Variants in NUDT6 observed in about 807,000 individuals in gnomAD.
NUDT6 encodes FAD diphosphatase NUDT6.
In NUDT6, 24 loss-of-function variants were observed where a neutral mutation model predicts 36.8. The ratio of observed to expected loss-of-function variants is 0.65; its 90% CI spans 0.47 to 0.92. The LOEUF is 0.92. Ranked by LOEUF, NUDT6 falls within the 40% of genes least tolerant of loss-of-function variation. The pLI, the probability that NUDT6 is intolerant of heterozygous loss-of-function variation, is 0.00. For synonymous variants in NUDT6, 163 were observed against 157.0 expected, an observed-to-expected ratio of 1.04 and a Z score of -0.29; for missense variants, 388 against 392.8, an observed-to-expected ratio of 0.99 and a Z score of 0.10.
rs760452045 is a variant in NUDT6 at position 122,922,331 on chromosome 4, T to G, written c.238+4A>C. Reference sequence around the variant, plus strand: ...CGGGAGCCCTTCGTCCCAGGCGCACTTGCCCTGCAAGCCCTTCTGGAAGGC... The same window carrying G: ...CGGGAGCCCTTCGTCCCAGGCGCACGTGCCCTGCAAGCCCTTCTGGAAGGC... On this transcript the variant is annotated splice_donor_region_variant and intron_variant, in intron 1 of 4. Coordinates refer to ENST00000304430, the MANE Select transcript of NUDT6 (RefSeq NM_007083.5). 6.3e-7 allele frequency: 1 copy of G among 1,597,142 alleles called. No individual in the cohort carries two copies. The highest frequency in any genetic ancestry group is 1.1e-5 in the South Asian group (1 of 90,154).
At chr4:122,921,844 G>C (rs1383089989) in intron 1 of NUDT6, 1 of 153,112 alleles carries the variant, frequency 6.5e-6, no homozygotes, top group Admixed American at 6.5e-5. Flanking sequence ...TAGAATGTAA[G>C]AGTTTTTTTC....
intron 4 of NUDT6, chr4:122,895,702 A>G (rs1727330533): frequency 6.6e-6 from 1 of 152,138 alleles, no homozygotes; most frequent in East Asian, 1.9e-4. Flanking sequence ...TTTCTATATG[A>G]CCCTCTTGAT....
intron 2 of NUDT6, among the ~76,000 whole-genome samples, chr4:122,914,649 T>C (rs1727794867): frequency 6.6e-6 from 1 of 152,150 alleles, no homozygotes; most frequent in African/African-American, 2.4e-5. Flanking sequence ...CTGGGACTGA[T>C]AGCCAGTCTG....
intron 3 of NUDT6, among the ~76,000 whole-genome samples, chr4:122,902,034 T>C (rs1023088837): frequency 1.3e-5 from 2 of 152,202 alleles, no homozygotes; most frequent in Non-Finnish European, 2.9e-5. Flanking sequence ...TGGTTATCTT[T>C]TATTTTTCAT....
Position 122,894,576 on chromosome 4 carries a change from G to T in NUDT6, c.554-1351C>A, listed in dbSNP as rs1244467861. On this transcript the variant is annotated intron_variant, in intron 4 of 4. Coordinates refer to ENST00000304430, the MANE Select transcript of NUDT6 (RefSeq NM_007083.5). Reference sequence around the variant, plus strand: ...CAGTCCAGCCTAGGCAACAGAGTGAGACTTTGTCTCAAAAAAAGAGAAATT... The same window carrying T: ...CAGTCCAGCCTAGGCAACAGAGTGATACTTTGTCTCAAAAAAAGAGAAATT... The T allele has an allele frequency of 2.6e-5, 4 of 152,070 alleles. No individual in the cohort carries two copies. In the South Asian group the frequency reaches 8.3e-4, roughly 32 times the overall value. The allele number at this position is 152,070 out of a possible 1,614,324, so 9.4% of individuals were successfully genotyped here. A position where few individuals can be genotyped will look rare whatever the true frequency, so the allele number is the denominator to read the frequency against.
At chr4:122,914,331 A>G (rs2150808362) in intron 2 of NUDT6, among the ~76,000 whole-genome samples, 1 of 152,272 alleles carries the variant, frequency 6.6e-6, no homozygotes, top group South Asian at 2.1e-4. Context: ...TGTAAGCTAT[A>G]ATTTAACTGG....
chr4:122,911,067 C>T (rs576667839), intron 3 of NUDT6, among the ~76,000 whole-genome samples: 1 of 152,262 alleles, frequency 6.6e-6, no homozygotes, highest in African/African-American at 2.4e-5. Context: ...ATTTATGTTA[C>T]TTGTACATAC....
chr4:122,892,847 G>A lies in NUDT6; in HGVS notation c.932C>T (p.Thr311Ile). The change falls in exon 5 of 5, where the codon ACT becomes ATT. Residue 311 changes from threonine (T) to isoleucine (I), a missense_variant. Physicochemically the swap from Thr to Ile is moderately conservative, Grantham distance 89 (BLOSUM62 -1). Coordinates refer to ENST00000304430, the MANE Select transcript of NUDT6 (RefSeq NM_007083.5). ...GTGAATTTAATCAATTCCTTTCATA[G>A]TTTTATAATTCTCTGGCAGTTCCTT... ...YHKELPENYKTMKGID is the reference protein window; with the variant it reads ...YHKELPENYKIMKGID 1 of 1,604,262 alleles carries A rather than the reference G, an allele frequency of 6.2e-7. No homozygotes were observed. Among genetic ancestry groups the A allele is most frequent in the Non-Finnish European group, 8.5e-7 (1 of 1,174,186 alleles).
intron 3 of NUDT6, among the ~76,000 whole-genome samples, chr4:122,899,839 A>G (rs1727474583): frequency 6.6e-6 from 1 of 152,124 alleles, no homozygotes. Flanking sequence ...TCTGACCCAC[A>G]GTCTCTGACT....
intron 3 of NUDT6, among the ~76,000 whole-genome samples, chr4:122,904,604 A>G (rs185438649): frequency 1.2e-3 from 184 of 152,122 alleles, no homozygotes; most frequent in African/African-American, 4.4e-3. Flanking sequence ...TTACAGGTGC[A>G]TACCACCATG....
In NUDT6 at chr4:122,898,991, C is replaced by T. The variant is rs201774907; in HGVS notation, c.499-1313G>A. Among the ~76,000 whole-genome samples the T allele has an allele frequency of 3.4e-5, 5 of 148,000 alleles. No individual in the cohort carries two copies. In the East Asian group the frequency reaches 1.0e-3, roughly 30 times the overall value. On this transcript the variant is annotated intron_variant, in intron 3 of 4. Coordinates refer to ENST00000304430, the MANE Select transcript of NUDT6 (RefSeq NM_007083.5). ...GACCTGCCTGGGCTCAGGTGATCCT[C>T]CCACCTCAGCCTCCTGAATAGTTGG...
chr4:122,897,675 T>C lies in NUDT6; in HGVS notation c.502A>G (p.Lys168Glu), dbSNP rs1299335139. Reference sequence around the variant, plus strand: ...CCTCCTGGAAACTTCCACATATTTTTCAACTGCAGTATAAAGTCAGAAAAT... The same window carrying C: ...CCTCCTGGAAACTTCCACATATTTTCCAACTGCAGTATAAAGTCAGAAAAT... Reference protein sequence around the residue: ...ILVVQDRNKLKNMWKFPGGLS... With the variant: ...ILVVQDRNKLENMWKFPGGLS... The change falls in exon 4 of 5, where the codon AAA becomes GAA. Residue 168 changes from lysine to glutamate, a missense_variant. Lys to Glu is a moderately conservative substitution (Grantham distance 56, BLOSUM62 1). Coordinates refer to ENST00000304430, the MANE Select transcript of NUDT6 (RefSeq NM_007083.5). The C allele has an allele frequency of 6.2e-7, 1 of 1,600,976 alleles. No homozygotes were observed. Among genetic ancestry groups the C allele is most frequent in the Non-Finnish European group, 8.6e-7 (1 of 1,168,064 alleles).
chr4:122,895,557 C>G (rs935750934), intron 4 of NUDT6: 6 of 152,158 alleles, frequency 3.9e-5, no homozygotes, highest in Non-Finnish European at 8.8e-5. Context: ...AGTTCTCTGG[C>G]TAATGCAGCA....
rs753261280 is a variant in NUDT6 at position 122,922,516 on chromosome 4, G to A, written c.57C>T (p.Gly19=). 11 of 1,608,496 alleles carry A rather than the reference G, an allele frequency of 6.8e-6. No individual in the cohort carries two copies. Among genetic ancestry groups the A allele is most frequent in the African/African-American group, 1.3e-5 (1 of 74,914 alleles). Residue 19 remains glycine, a synonymous_variant, in exon 1 of 5, where the codon GGC becomes GGT. Coordinates refer to ENST00000304430, the MANE Select transcript of NUDT6 (RefSeq NM_007083.5). ...RWRAMLARTY[G]PGPSAGYRWA... is the part of the protein sequence containing the mutation. ...AGCGGTAACCCGCCGAAGGCCCGGGGCCGTAGGTTCGGGCAAGCATCGCGC... is the reference window on the plus strand; with the variant it reads ...AGCGGTAACCCGCCGAAGGCCCGGGACCGTAGGTTCGGGCAAGCATCGCGC...
chr4:122,900,355 T>C (rs750709162), intron 3 of NUDT6, among the ~76,000 whole-genome samples: 34 of 139,090 alleles, frequency 2.4e-4, no homozygotes, highest in Non-Finnish European at 4.3e-4. Context: ...TTTTTTTCCT[T>C]CGGAAATCCT....
rs573025214 is a variant in NUDT6 at position 122,920,381 on chromosome 4, T to C, written c.238+1954A>G. 3 of 152,320 alleles carry C rather than the reference T, an allele frequency of 2.0e-5. No individual in the cohort carries two copies. The South Asian group carries it at 6.2e-4, about 32-fold the overall frequency. The allele number at this position is 152,320 out of a possible 1,614,324, so 9.4% of individuals were successfully genotyped here. On this transcript the variant is annotated intron_variant, in intron 1 of 4. Transcript: ENST00000304430. ...TACCTCAAAGGGTTGTTAGGAGGAT[T>C]AATTACTATTTATAAAGATCCTAAA...
chr4:122,892,835 A>G lies in NUDT6; in HGVS notation c.944T>C (p.Ile315Thr), dbSNP rs371113958. 7 of 1,595,700 alleles carry G rather than the reference A, an allele frequency of 4.4e-6. No homozygotes were observed. The African/African-American group carries it at 5.4e-5, about 12-fold the overall frequency. Reference sequence around the variant, plus strand: ...AAACATATAAATGTGAATTTAATCAATTCCTTTCATAGTTTTATAATTCTC... The same window carrying G: ...AAACATATAAATGTGAATTTAATCAGTTCCTTTCATAGTTTTATAATTCTC... ...LPENYKTMKG[I>T]D The change falls in exon 5 of 5, where the codon ATT (isoleucine) becomes ACT (threonine). Residue 315 changes from isoleucine to threonine, a missense_variant. Physicochemically the swap from Ile to Thr is moderately conservative, Grantham distance 89 (BLOSUM62 -1). Transcript: ENST00000304430.
At position 122,902,652 on chromosome 4, in the gene NUDT6, A is replaced by G. The variant is rs367874355; in HGVS notation, c.499-4974T>C. Among the ~76,000 whole-genome samples the G allele has an allele frequency of 2.8e-4, 42 of 152,340 alleles. No homozygotes were observed. In the South Asian group the frequency reaches 6.6e-3, roughly 24 times the overall value. On this transcript the variant is annotated intron_variant, in intron 3 of 4. Coordinates refer to ENST00000304430, the MANE Select transcript of NUDT6 (RefSeq NM_007083.5). ...ACAGTGTATACAGCAGAGTATGTAT[A>G]AGAACTCAGTAATATTCAGTGAATG...
At chr4:122,914,682 T>G (rs1023452362) in intron 2 of NUDT6, among the ~76,000 whole-genome samples, 1 of 152,132 alleles carries the variant, frequency 6.6e-6, no homozygotes, top group African/African-American at 2.4e-5. Context: ...GCAGGCACAC[T>G]CTTCTCACTG....
Sources: gnomAD v4.1 joint callset for allele counts (sites outside exome capture counted in the v4.1 genomes callset) on GRCh38, gnomAD v4.1.1 for gene constraint, MANE v1.5 for transcripts, NCBI Gene and HGNC (gene_info 2026-07-23, HGNC 2026-07-21) for gene names.